The following PPP6R3 variants were observed in gnomAD, a reference collection of about 807,000 sequenced individuals.
PPP6R3 encodes the protein protein phosphatase 6 regulatory subunit 3, also known as serine/threonine-protein phosphatase 6 regulatory subunit 3.
PPP6R3 carries 38 observed loss-of-function variants against 110.7 expected under a neutral mutation model. That is an observed-to-expected ratio of 0.34 (90% CI 0.26 to 0.45). The LOEUF (loss-of-function observed/expected upper bound fraction) is 0.45. Among genes scored for constraint, PPP6R3 ranks in the 20% least tolerant of loss-of-function variants. The pLI is 1.00. For synonymous variants in PPP6R3, 369 were observed against 373.5 expected (o/e 0.99, Z 0.14); for missense variants, 870 against 1,062.4 (o/e 0.82, Z 2.52).
At chr11:68,591,841 A>G in intron 18 of PPP6R3, 135 bp downstream of exon 18, 1 of 1,133,220 alleles carries the variant, frequency 8.8e-7, no homozygotes, top group Non-Finnish European at 1.2e-6. Flanking sequence ...ATGGCCAGAA[A>G]TGCCCTTGTT....
At chr11:68,577,751 C>T (rs1317655430) in intron 14 of PPP6R3, among the ~76,000 whole-genome samples, 1 of 152,156 alleles carries the variant, frequency 6.6e-6, no homozygotes, top group Non-Finnish European at 1.5e-5. Flanking sequence ...CGTTCAGCCC[C>T]TGGTAGACTG....
chr11:68,518,501 A>G (rs1565559750), intron 1 of PPP6R3, among the ~76,000 whole-genome samples: 1 of 152,248 alleles, frequency 6.6e-6, no homozygotes, highest in Non-Finnish European at 1.5e-5. Context: ...GGGATTTGCC[A>G]TACAGGACCT....
intron 22 of PPP6R3, among the ~76,000 whole-genome samples, chr11:68,607,062 A>G (rs1940519064): frequency 6.6e-6 from 1 of 152,234 alleles, no homozygotes; most frequent in Admixed American, 6.5e-5. Context: ...AGTGGAGACC[A>G]TGGCATAGCT....
rs890822758 is a variant in PPP6R3 at position 68,497,207 on chromosome 11, C to G, written c.-157-22294C>G. Among the ~76,000 whole-genome samples, 12 of 87,170 alleles carry G rather than the reference C, an allele frequency of 1.4e-4. No individual in the cohort carries two copies. In the Admixed American group the frequency reaches 1.8e-3, roughly 13 times the overall value. 57.2% of individuals were successfully genotyped at this position (87,170 alleles called of 152,430 possible). On this transcript the variant is annotated intron_variant, in intron 1 of 23. Transcript: ENST00000393800. ...GACTACAGGTGCCCGCCACCACGCC[C>G]GGCTAATTTTTTTTTTTTTTGTATT...
chr11:68,472,397 A>T (rs942854606), intron 1 of PPP6R3, among the ~76,000 whole-genome samples: 4 of 152,210 alleles, frequency 2.6e-5, no homozygotes, highest in African/African-American at 4.8e-5. Flanking sequence ...ACGCTGCCTT[A>T]AACAAGTGCA....
At chr11:68,507,360 G>A (rs1018054481) in intron 1 of PPP6R3, among the ~76,000 whole-genome samples, 4 of 151,556 alleles carry the variant, frequency 2.6e-5, no homozygotes, top group Admixed American at 1.3e-4. Context: ...GGCTGATTGA[G>A]TTGCCTGTCT....
chr11:68,491,376 G>GTT (rs2098983176), intron 1 of PPP6R3, among the ~76,000 whole-genome samples: 1 of 140,470 alleles, frequency 7.1e-6, no homozygotes, highest in Non-Finnish European at 1.6e-5. Context: ...GTGTGTGTGT[G>GTT]TGTTTGAGAC....
chr11:68,532,504 C>CTA (rs2099246711), intron 2 of PPP6R3, among the ~76,000 whole-genome samples: 1 of 152,204 alleles, frequency 6.6e-6, no homozygotes, highest in Non-Finnish European at 1.5e-5. Context: ...TTTGGCTTTA[C>CTA]TAAACCCTTT....
intron 2 of PPP6R3, among the ~76,000 whole-genome samples, chr11:68,533,495 T>A (rs913248249): frequency 6.6e-6 from 1 of 151,864 alleles, no homozygotes; most frequent in Non-Finnish European, 1.5e-5. Flanking sequence ...GTCGATTGCT[T>A]GAGTTTGAGA....
At chr11:68,461,550 C>A (rs2098707987) in intron 1 of PPP6R3, among the ~76,000 whole-genome samples, 1 of 151,950 alleles carries the variant, frequency 6.6e-6, no homozygotes, top group Admixed American at 6.6e-5. Flanking sequence ...TAAAGAAGCC[C>A]ATTCACTGTT....
intron 10 of PPP6R3, among the ~76,000 whole-genome samples, chr11:68,568,851 G>A (rs1254902347): frequency 3.3e-5 from 5 of 150,990 alleles, no homozygotes; most frequent in African/African-American, 7.3e-5. Flanking sequence ...TGCAAGCTCC[G>A]CCTCCTGGGT....
rs553699295 is a variant in PPP6R3, at chr11:68,557,984, A to G, written c.732-582A>G. ...AGAGCCTGCAGATAATGCTTTTTGG[A>G]CATTTAATTTAGTCACATTTATTTC... On this transcript the variant is annotated intron_variant, in intron 7 of 23. Coordinates refer to ENST00000393800, the MANE Select transcript of PPP6R3 (RefSeq NM_001164161.2). Among the ~76,000 whole-genome samples the G allele has an allele frequency of 3.9e-5, 6 of 152,292 alleles. No homozygotes were observed. In the South Asian group the frequency reaches 1.2e-3, roughly 32 times the overall value.
chr11:68,585,185 A>G (rs1199219357), intron 15 of PPP6R3, among the ~76,000 whole-genome samples: 1 of 152,170 alleles, frequency 6.6e-6, no homozygotes, highest in Non-Finnish European at 1.5e-5. Flanking sequence ...CTGGTCTCCT[A>G]AAGTCTGGTG....
intron 1 of PPP6R3, among the ~76,000 whole-genome samples, chr11:68,493,351 T>C (rs1475357838): frequency 6.6e-6 from 1 of 152,170 alleles, no homozygotes; most frequent in African/African-American, 2.4e-5. Flanking sequence ...ACTATTATTC[T>C]TTGTATAAAT....
intron 5 of PPP6R3, among the ~76,000 whole-genome samples, chr11:68,549,607 G>A (rs1038487303): frequency 2.0e-5 from 3 of 152,144 alleles, no homozygotes; most frequent in African/African-American, 4.8e-5. Flanking sequence ...CCCAAAAGAG[G>A]TTGAGGATTC....
intron 1 of PPP6R3, among the ~76,000 whole-genome samples, chr11:68,518,555 G>T (rs970685528): frequency 6.6e-6 from 1 of 152,160 alleles, no homozygotes; most frequent in Non-Finnish European, 1.5e-5. Flanking sequence ...CACATGGTCT[G>T]TTCTCATTTT....
intron 1 of PPP6R3, among the ~76,000 whole-genome samples, chr11:68,462,455 C>G (rs1237079889): frequency 5.3e-5 from 8 of 152,186 alleles, no homozygotes; most frequent in Non-Finnish European, 1.2e-4. Context: ...CCATCACAAG[C>G]TTAAGTCGGG....
At chr11:68,477,741 A>AAAAAAAAAAATATATATATATAT in intron 1 of PPP6R3, among the ~76,000 whole-genome samples, 1 of 57,908 alleles carries the variant, frequency 1.7e-5, no homozygotes, top group African/African-American at 7.1e-5. Context: ...AAAAAAAAAA[A>AAAAAAAAAAATATATATATATAT]ATATATATAT....
At chr11:68,495,683 AAAT>A (rs2099010892) in intron 1 of PPP6R3, among the ~76,000 whole-genome samples, 1 of 152,178 alleles carries the variant, frequency 6.6e-6, no homozygotes, top group African/African-American at 2.4e-5. Context: ...TTCTTTTGTC[AAAT>A]AATACTCATT....
Sources: gnomAD v4.1 joint callset for allele counts (sites outside exome capture counted in the v4.1 genomes callset) on GRCh38, gnomAD v4.1.1 for gene constraint, MANE v1.5 for transcripts, NCBI Gene and HGNC (gene_info 2026-07-23, HGNC 2026-07-21) for gene names.